PHF14: variants seen among roughly 807,000 people sequenced by gnomAD.
The protein encoded by PHF14 is PHD finger protein 14.
A neutral mutation model predicts 117.9 loss-of-function variants in PHF14; 55 were observed. The observed-to-expected ratio is 0.47, with a 90% CI of 0.38 to 0.58. The LOEUF is 0.58. PHF14 is among the 20% of genes least tolerant of loss of function. PHF14 has a pLI of 0.00. For missense variants in PHF14, 978 were observed against 1,122.2 expected (o/e 0.87, Z 1.84); for synonymous variants, 409 against 368.6 (o/e 1.11, Z -1.26).
intron 16 of PHF14, among the ~76,000 whole-genome samples, chr7:11,075,532 A>G (rs1392731353): frequency 1.3e-5 from 2 of 150,940 alleles, no homozygotes; most frequent in African/African-American, 4.9e-5. Context: ...TGAATTAACA[A>G]GAACTCACTC....
At chr7:11,056,170 C>G (rs1785012541) in intron 14 of PHF14, among the ~76,000 whole-genome samples, 2 of 152,058 alleles carry the variant, frequency 1.3e-5, no homozygotes, top group Admixed American at 6.6e-5. Flanking sequence ...CTGTGGGTGT[C>G]CTTAGCTCAA....
chr7:11,061,210 A>G (rs1785211130), intron 14 of PHF14: 1 of 152,194 alleles, frequency 6.6e-6, no homozygotes, highest in African/African-American at 2.4e-5. Flanking sequence ...ATTCTGAAAT[A>G]TAGGATGTGA....
At chr7:11,140,078 A>G (rs1055469463) in intron 17 of PHF14, among the ~76,000 whole-genome samples, 5 of 152,076 alleles carry the variant, frequency 3.3e-5, no homozygotes, top group African/African-American at 1.2e-4. Context: ...ACACATCCCT[A>G]CATACACCTC....
chr7:11,131,382 T>C (rs1788086356), intron 17 of PHF14, among the ~76,000 whole-genome samples: 1 of 151,996 alleles, frequency 6.6e-6, no homozygotes, highest in Non-Finnish European at 1.5e-5. Context: ...TAGTTTTCAT[T>C]TGCAGTTTCA....
chr7:11,147,047 A>G (rs560781191), intron 17 of PHF14, among the ~76,000 whole-genome samples: 2 of 152,008 alleles, frequency 1.3e-5, no homozygotes, highest in African/African-American at 2.4e-5. Flanking sequence ...GGATTTTGCA[A>G]TGTTGCCCAG....
chr7:11,085,094 A>T (rs1786335592), intron 16 of PHF14, among the ~76,000 whole-genome samples: 2 of 152,110 alleles, frequency 1.3e-5, no homozygotes, highest in South Asian at 4.1e-4. Flanking sequence ...ACTAAAACCT[A>T]ATTTGGTATG....
chr7:11,038,624 C>T (rs1784393534), intron 10 of PHF14, 136 bp from the exon 11 acceptor site: 1 of 253,860 alleles, frequency 3.9e-6, no homozygotes, highest in Admixed American at 5.5e-5. Flanking sequence ...TGTCACCGCA[C>T]TCCAGCCTGG....
intron 3 of PHF14, among the ~76,000 whole-genome samples, chr7:10,985,580 A>G (rs1782189437): frequency 6.8e-6 from 1 of 146,096 alleles, no homozygotes; most frequent in South Asian, 2.2e-4. Flanking sequence ...CATATGCTTA[A>G]TGGCCTTAAC....
intron 4 of PHF14, among the ~76,000 whole-genome samples, chr7:11,004,253 A>C (rs13241581): frequency 6.7e-6 from 1 of 149,652 alleles, no homozygotes; most frequent in East Asian, 1.9e-4. Flanking sequence ...TCTCAAAAAA[A>C]AAAAAAAAAA....
At chr7:11,002,342 G>C (rs1158870196) in intron 4 of PHF14, among the ~76,000 whole-genome samples, 2 of 124,026 alleles carry the variant, frequency 1.6e-5, no homozygotes, top group East Asian at 2.4e-4. Flanking sequence ...TAGGTCAAGG[G>C]GGGAGCCAGA....
intron 17 of PHF14, among the ~76,000 whole-genome samples, chr7:11,118,231 G>A (rs1787654034): frequency 6.6e-6 from 1 of 151,878 alleles, no homozygotes; most frequent in African/African-American, 2.4e-5. Context: ...AATTAAAACT[G>A]TGGTATGTGG....
chr7:11,068,019 G>A (rs551826899), intron 16 of PHF14, among the ~76,000 whole-genome samples: 85 of 152,212 alleles, frequency 5.6e-4, no homozygotes, highest in African/African-American at 1.7e-3. Flanking sequence ...CCAAACCATA[G>A]CATACATACA....
chr7:11,081,611 C>T (rs1269471737), intron 16 of PHF14, among the ~76,000 whole-genome samples: 1 of 152,168 alleles, frequency 6.6e-6, no homozygotes, highest in Non-Finnish European at 1.5e-5. Flanking sequence ...AATCCCAGCA[C>T]TTTGGGAGGC....
intron 16 of PHF14, chr7:11,103,289 AT>A (rs1787152545): frequency 1.2e-6 from 1 of 854,414 alleles, no homozygotes; most frequent in Non-Finnish European, 1.4e-6. Context: ...ACCCAAATAT[AT>A]TCAGTCCTTA....
intron 17 of PHF14, among the ~76,000 whole-genome samples, chr7:11,117,424 A>C (rs1374523677): frequency 6.6e-6 from 1 of 151,872 alleles, no homozygotes; most frequent in African/African-American, 2.4e-5. Flanking sequence ...CTAGAACTAC[A>C]AATGCGTGAC....
chr7:11,016,125 C>T (rs17163903), intron 5 of PHF14, among the ~76,000 whole-genome samples: 1,919 of 152,074 alleles, frequency 0.013, 42 homozygotes, highest in East Asian at 0.1. Context: ...GTGGACGTTA[C>T]ATAAGTAGAC....
intron 17 of PHF14, among the ~76,000 whole-genome samples, chr7:11,122,330 T>TC (rs1469838297): frequency 1.2e-5 from 1 of 84,170 alleles, no homozygotes; most frequent in South Asian, 3.6e-4. Context: ...GTTTGTACTT[T>TC]TTATATATAT....
At chr7:11,086,803 GTAATT>G (rs1786426090) in intron 16 of PHF14, among the ~76,000 whole-genome samples, 1 of 152,100 alleles carries the variant, frequency 6.6e-6, no homozygotes, top group Non-Finnish European at 1.5e-5. Context: ...AATTTGTATA[GTAATT>G]TAATTCATTG....
At chr7:11,160,110 C>T (rs755429841) in intron 17 of PHF14, among the ~76,000 whole-genome samples, 3 of 152,096 alleles carry the variant, frequency 2.0e-5, no homozygotes, top group African/African-American at 2.4e-5. Context: ...TTATTGCCAT[C>T]TTCATGTCCC....
Sources: allele counts gnomAD v4.1 joint callset (sites outside exome capture counted in the v4.1 genomes callset), GRCh38; gene constraint gnomAD v4.1.1; transcripts MANE v1.5; gene names NCBI Gene and HGNC (gene_info 2026-07-23, HGNC 2026-07-21).